The following FAM171A1 variants were observed in gnomAD, a reference collection of about 807,000 sequenced individuals.
The protein encoded by FAM171A1 is family with sequence similarity 171 member A1.
FAM171A1 carries 23 observed loss-of-function variants against 74.9 expected under a neutral mutation model. The observed-to-expected ratio is 0.31, with a 90% CI of 0.22 to 0.44. The LOEUF is 0.44. FAM171A1 is among the 20% of genes least tolerant of loss of function. The pLI is 1.00. For synonymous variants in FAM171A1, 527 were observed against 505.7 expected (o/e 1.04, Z -0.57); for missense variants, 1,162 against 1,159.2 (o/e 1.00, Z -0.03).
chr10:15,235,144 T>C (rs1834268008), intron 5 of FAM171A1, among the ~76,000 whole-genome samples: 1 of 151,874 alleles, frequency 6.6e-6, no homozygotes, highest in Admixed American at 6.6e-5. Flanking sequence ...ACCTCGTCTC[T>C]ACTAAAAATA....
At chr10:15,337,858 G>A (rs1835722244) in intron 1 of FAM171A1, among the ~76,000 whole-genome samples, 1 of 152,168 alleles carries the variant, frequency 6.6e-6, no homozygotes, top group Non-Finnish European at 1.5e-5. Flanking sequence ...GGCTGAGGCA[G>A]GAGAATCACT....
chr10:15,332,495 G>A (rs1057208289), intron 1 of FAM171A1, among the ~76,000 whole-genome samples: 2 of 152,154 alleles, frequency 1.3e-5, no homozygotes, highest in East Asian at 3.8e-4. Flanking sequence ...ACAGGTTCTG[G>A]GGCGCTGCTT....
chr10:15,296,001 C>A (rs539207449), intron 1 of FAM171A1, among the ~76,000 whole-genome samples: 51 of 152,310 alleles, frequency 3.3e-4, no homozygotes, highest in African/African-American at 1.2e-3. Flanking sequence ...CGAGGTTTTG[C>A]CCCATGTTAC....
rs796504312 is a variant in FAM171A1, at chr10:15,254,945, C to G, written c.419-66G>C. On this transcript the variant is annotated intron_variant, in intron 3 of 7. Transcript: ENST00000378116. ...TTTCTGTTTTTAGAAAATGCAAAAC[C>G]AGGAAGTGCCTCTCTAAGGTTTCAG... The G allele has an allele frequency of 4.6e-6, 7 of 1,505,540 alleles. No homozygotes were observed. The African/African-American group carries it at 9.7e-5, about 21-fold the overall frequency. The allele number at this position is 1,505,540 out of a possible 1,614,324, so 93.3% of individuals were successfully genotyped here. A position where few individuals can be genotyped will look rare whatever the true frequency, so the allele number is the denominator to read the frequency against.
intron 1 of FAM171A1, among the ~76,000 whole-genome samples, chr10:15,331,967 T>C (rs1331943533): frequency 6.6e-6 from 1 of 150,424 alleles, no homozygotes; most frequent in Admixed American, 6.7e-5. Context: ...ATTTCGTTTT[T>C]TAGACAGAGT....
chr10:15,234,895 C>T (rs1008455578), intron 5 of FAM171A1, among the ~76,000 whole-genome samples: 1 of 152,098 alleles, frequency 6.6e-6, no homozygotes, highest in Non-Finnish European at 1.5e-5. Context: ...ATCTCCTGAC[C>T]TCGTGATCCG....
chr10:15,246,826 A>G (rs564942637), intron 5 of FAM171A1, among the ~76,000 whole-genome samples: 11 of 152,148 alleles, frequency 7.2e-5, no homozygotes, highest in Non-Finnish European at 1.3e-4. Context: ...CCAGCAGCAA[A>G]TTGATATTTT....
chr10:15,364,537 A>G lies in FAM171A1; in HGVS notation c.97+6419T>C, dbSNP rs773426267. 2.6e-3 allele frequency among the ~76,000 whole-genome samples: 402 copies of G among 152,300 alleles called. 3 individuals carry two copies. The highest frequency in any genetic ancestry group is 4.6e-3 in the Non-Finnish European group (313 of 68,010). ...CCTGTGTGGGCGAATCTCTATTCAC[A>G]GTTCTTAGGGGTTAGGGTCTGTGTT... On this transcript the variant is annotated intron_variant, in intron 1 of 7. Coordinates refer to ENST00000378116, the MANE Select transcript of FAM171A1 (RefSeq NM_001010924.2).
intron 1 of FAM171A1, among the ~76,000 whole-genome samples, chr10:15,297,063 CT>C (rs1013371735): frequency 1.3e-3 from 182 of 144,260 alleles, no homozygotes; most frequent in East Asian, 1.4e-3. Flanking sequence ...AGCTTTTTTT[CT>C]TTTTTTTTTT....
At chr10:15,333,457 G>A (rs188519785) in intron 1 of FAM171A1, among the ~76,000 whole-genome samples, 6 of 152,270 alleles carry the variant, frequency 3.9e-5, no homozygotes, top group South Asian at 2.1e-4. Flanking sequence ...CTGAGATCAC[G>A]CCATTGCACT....
chr10:15,265,415 C>T (rs539078723), intron 3 of FAM171A1, among the ~76,000 whole-genome samples: 3 of 151,616 alleles, frequency 2.0e-5, no homozygotes, highest in East Asian at 3.9e-4. Context: ...GAGTTTGAGA[C>T]GAGCCTGGGC....
intron 1 of FAM171A1, among the ~76,000 whole-genome samples, chr10:15,294,289 A>G (rs1031719892): frequency 2.0e-5 from 3 of 152,088 alleles, no homozygotes; most frequent in Admixed American, 6.5e-5. Context: ...TCTCTTTGAA[A>G]CTGCACCTCA....
chr10:15,283,722 C>A (rs760390355), intron 2 of FAM171A1, among the ~76,000 whole-genome samples, 156 bp downstream of exon 2: 1 of 152,170 alleles, frequency 6.6e-6, no homozygotes, highest in Admixed American at 6.5e-5. Context: ...GTAGCTGGGA[C>A]TACAGGTGCA....
intron 1 of FAM171A1, among the ~76,000 whole-genome samples, chr10:15,340,148 C>T (rs1245161877): frequency 1.3e-5 from 2 of 152,160 alleles, no homozygotes; most frequent in Non-Finnish European, 2.9e-5. Context: ...ACATACATTA[C>T]TTGGAATTCT....
intron 3 of FAM171A1, among the ~76,000 whole-genome samples, chr10:15,271,379 C>A (rs955506563): frequency 9.9e-5 from 15 of 152,110 alleles, no homozygotes; most frequent in Non-Finnish European, 1.8e-4. Context: ...AAATATGGGA[C>A]TATGTGAAAA....
At chr10:15,311,614 A>G (rs1835360202) in intron 1 of FAM171A1, among the ~76,000 whole-genome samples, 1 of 152,186 alleles carries the variant, frequency 6.6e-6, no homozygotes, top group Non-Finnish European at 1.5e-5. Context: ...GTGGCTTAGT[A>G]TGAAATGCAG....
chr10:15,243,839 C>G (rs954935048), intron 5 of FAM171A1, among the ~76,000 whole-genome samples: 9 of 151,562 alleles, frequency 5.9e-5, no homozygotes, highest in African/African-American at 2.2e-4. Context: ...CTCTGCCTCC[C>G]GGGTTTACTT....
chr10:15,360,450 T>G (rs1302812817), intron 1 of FAM171A1, among the ~76,000 whole-genome samples: 1 of 152,232 alleles, frequency 6.6e-6, no homozygotes, highest in Non-Finnish European at 1.5e-5. Context: ...CTAGATCAAA[T>G]ACTCTCTGGA....
rs1382567562 is a variant in FAM171A1, at chr10:15,212,948, C to T, written c.2640G>A (p.Glu880=). 4 of 1,614,162 alleles carry T rather than the reference C, an allele frequency of 2.5e-6. No individual in the cohort carries two copies. The African/African-American group carries it at 4.0e-5, about 16-fold the overall frequency. ...TGTTAAACGCCATCAGGGGCCTCTC[C>T]TCCCGTTTCTGCCAGGGGCTTTTCT... The part of the protein sequence containing the change: ...EDKKSPWQKR[E]ERPLMAFNIK The change falls in exon 8 of 8, where the codon GAG becomes GAA. Residue 880 remains glutamate, a synonymous_variant. Transcript: ENST00000378116.
Sources: allele counts gnomAD v4.1 joint callset (sites outside exome capture counted in the v4.1 genomes callset), GRCh38; gene constraint gnomAD v4.1.1; transcripts MANE v1.5; gene names NCBI Gene and HGNC (gene_info 2026-07-23, HGNC 2026-07-21).